The following R3HDM1 variants were observed in gnomAD, a reference collection of about 807,000 sequenced individuals.
The protein encoded by R3HDM1 is R3H domain containing 1.
Under a neutral mutation model 141.1 loss-of-function variants are expected in R3HDM1, and 46 were observed. The observed-to-expected ratio is 0.33, with a 90% confidence interval of 0.26 to 0.42. R3HDM1 has a LOEUF of 0.42. R3HDM1 is among the 10% of genes least tolerant of loss of function. The probability of loss-of-function intolerance (pLI) is 1.00; values close to 1 mark genes in which losing one functional copy is unlikely to be tolerated. For synonymous variants in R3HDM1, 435 were observed against 472.9 expected (o/e 0.92, Z 1.04); for missense variants, 1,184 against 1,368.3 (o/e 0.87, Z 2.12).
chr2:135,636,357 A>G (rs1270856672), intron 11 of R3HDM1, among the ~76,000 whole-genome samples, 174 bp downstream of exon 11: 1 of 152,170 alleles, frequency 6.6e-6, no homozygotes, highest in Non-Finnish European at 1.5e-5. Flanking sequence ...ATAGTTTATA[A>G]AATACTACAT....
At chr2:135,673,271 T>G (rs1407638703) in intron 19 of R3HDM1, among the ~76,000 whole-genome samples, 1 of 152,222 alleles carries the variant, frequency 6.6e-6, no homozygotes, top group Non-Finnish European at 1.5e-5. Flanking sequence ...ACAAAAATTC[T>G]GCCAAGTCTG....
intron 1 of R3HDM1, among the ~76,000 whole-genome samples, chr2:135,555,880 G>C (rs1427961289): frequency 6.6e-6 from 1 of 152,134 alleles, no homozygotes; most frequent in Admixed American, 6.5e-5. Context: ...GCTGGGCATG[G>C]TGGCATACAT....
chr2:135,613,497 C>G (rs1377454103), intron 3 of R3HDM1, among the ~76,000 whole-genome samples: 2 of 152,078 alleles, frequency 1.3e-5, no homozygotes, highest in African/African-American at 4.8e-5. Flanking sequence ...ATCTTAAGGT[C>G]ACTTGGCTTG....
intron 3 of R3HDM1, among the ~76,000 whole-genome samples, chr2:135,609,025 G>GAT (rs893605205): frequency 2.0e-5 from 3 of 152,048 alleles, no homozygotes; most frequent in Admixed American, 6.6e-5. Context: ...TTAATTAAGG[G>GAT]ATGTTACAGC....
At chr2:135,590,759 T>C (rs1709069940) in intron 1 of R3HDM1, 1 of 976,410 alleles carries the variant, frequency 1.0e-6, no homozygotes, top group African/African-American at 1.8e-5. Context: ...GTTTGCACTT[T>C]GTTGTACACA....
rs184730799 is a variant in R3HDM1 at position 135,593,279 on chromosome 2, A to C, written c.-249-9221A>C. On this transcript the variant is annotated intron_variant, in intron 1 of 26. Coordinates refer to ENST00000683871, the MANE Select transcript of R3HDM1 (RefSeq NM_001378107.1). ...GCCAATCAGATCATATTACACCCTG[A>C]GTTATTTATTTCAGTCCTGCATTTA... is the stretch of plus-strand genomic sequence containing the variant. Among the ~76,000 whole-genome samples, 6 of 152,214 alleles carry C rather than the reference A, an allele frequency of 3.9e-5. No homozygotes were observed. In the East Asian group the frequency reaches 1.2e-3, roughly 29 times the overall value.
chr2:135,575,994 C>A (rs529791385), intron 1 of R3HDM1, among the ~76,000 whole-genome samples: 1 of 152,214 alleles, frequency 6.6e-6, no homozygotes, highest in Non-Finnish European at 1.5e-5. Context: ...AAAACATATA[C>A]TATAAAGCTT....
At chr2:135,646,284 C>T (rs559225736) in intron 16 of R3HDM1, among the ~76,000 whole-genome samples, 1 of 151,524 alleles carries the variant, frequency 6.6e-6, no homozygotes, top group East Asian at 2.0e-4. Context: ...TACAGGCAGC[C>T]GCCACCACGC....
intron 1 of R3HDM1, among the ~76,000 whole-genome samples, chr2:135,545,939 C>G (rs960797959): frequency 2.6e-5 from 4 of 152,208 alleles, no homozygotes; most frequent in African/African-American, 9.6e-5. Context: ...TGGTGTGGGA[C>G]GCATCCAGGG....
intron 5 of R3HDM1, among the ~76,000 whole-genome samples, chr2:135,617,910 C>A (rs1016427230): frequency 6.6e-6 from 1 of 152,142 alleles, no homozygotes; most frequent in African/African-American, 2.4e-5. Flanking sequence ...TATCATTATA[C>A]ATTTGGTGAT....
At chr2:135,573,694 G>A (rs915520948) in intron 1 of R3HDM1, among the ~76,000 whole-genome samples, 1 of 151,976 alleles carries the variant, frequency 6.6e-6, no homozygotes, top group African/African-American at 2.4e-5. Context: ...GCAGTTGAGT[G>A]GTGAAAAGGT....
chr2:135,626,864 G>A (rs1333303426), intron 7 of R3HDM1, among the ~76,000 whole-genome samples: 1 of 152,066 alleles, frequency 6.6e-6, no homozygotes, highest in Non-Finnish European at 1.5e-5. Flanking sequence ...TTCTGTTTCT[G>A]TAGATTTCCC....
chr2:135,563,502 C>CT (rs905138714), intron 1 of R3HDM1, among the ~76,000 whole-genome samples: 33 of 152,090 alleles, frequency 2.2e-4, no homozygotes, highest in African/African-American at 7.7e-4. Context: ...TTATTGTATA[C>CT]TTTTTGGCTC....
chr2:135,545,441 C>T (rs994068437), intron 1 of R3HDM1, among the ~76,000 whole-genome samples: 2 of 152,090 alleles, frequency 1.3e-5, no homozygotes, highest in African/African-American at 4.8e-5. Context: ...GTCAGAGCAA[C>T]ATCTCTTGAC....
At chr2:135,671,659 G>A (rs1179232710) in intron 19 of R3HDM1, among the ~76,000 whole-genome samples, 7 of 151,572 alleles carry the variant, frequency 4.6e-5, no homozygotes, top group South Asian at 2.1e-4. Context: ...GTGAACCACC[G>A]CGCTGGCCCA....
intron 1 of R3HDM1, among the ~76,000 whole-genome samples, chr2:135,575,709 T>C (rs1372377259): frequency 3.9e-5 from 6 of 152,178 alleles, no homozygotes; most frequent in Non-Finnish European, 8.8e-5. Context: ...TAAATACTTA[T>C]TAAACATAAA....
At chr2:135,697,676 A>G (rs189843970) in intron 21 of R3HDM1, among the ~76,000 whole-genome samples, 132 of 152,326 alleles carry the variant, frequency 8.7e-4, no homozygotes, top group Middle Eastern at 3.4e-3. Flanking sequence ...TATTCCATTT[A>G]TTTAGGATCA....
chr2:135,561,095 C>T (rs959595896), intron 1 of R3HDM1, among the ~76,000 whole-genome samples: 4 of 152,172 alleles, frequency 2.6e-5, no homozygotes, highest in African/African-American at 7.2e-5. Context: ...GGTTAATTAT[C>T]ACAGCATTAC....
chr2:135,646,966 T>G (rs1479083011), intron 16 of R3HDM1, among the ~76,000 whole-genome samples: 1 of 152,164 alleles, frequency 6.6e-6, no homozygotes, highest in Non-Finnish European at 1.5e-5. Flanking sequence ...TCATTTGTAT[T>G]GCAGGGTTGA....
Sources: allele counts gnomAD v4.1 joint callset (sites outside exome capture counted in the v4.1 genomes callset), GRCh38; gene constraint gnomAD v4.1.1; transcripts MANE v1.5; gene names NCBI Gene and HGNC (gene_info 2026-07-23, HGNC 2026-07-21).